MAGEC3: variants seen among roughly 807,000 people sequenced by gnomAD.
The protein encoded by MAGEC3 is MAGE family member C3.
MAGEC3 carries 34 observed loss-of-function variants against 35.3 expected under a neutral mutation model. The observed-to-expected ratio is 0.96, with a 90% CI of 0.73 to 1.28. The LOEUF is 1.28. Ranked by LOEUF, MAGEC3 falls within the 50% of genes most tolerant of loss-of-function variation. The pLI, the probability that MAGEC3 is intolerant of heterozygous loss-of-function variation, is 0.00. For synonymous variants in MAGEC3, 202 were observed against 185.6 expected (o/e 1.09, Z -0.72); for missense variants, 561 against 483.6 (o/e 1.16, Z -1.50).
chrX:141,854,431 A>G (rs1030110820), intron 1 of MAGEC3, among the ~76,000 whole-genome samples: 4 of 111,127 alleles, frequency 3.6e-5, no homozygotes, highest in African/African-American at 1.3e-4. Context: ...CTCATCTTGA[A>G]TTGTATTCTC....
Position 141,897,693 on chromosome X carries a change from G to T in MAGEC3, c.1793G>T (p.Ser598Ile). The change falls in exon 8 of 8, where the codon AGT becomes ATT. Residue 598 changes from serine (S) to isoleucine (I), a missense_variant. Coordinates refer to ENST00000298296, the MANE Select transcript of MAGEC3 (RefSeq NM_138702.1). ...TCCAAGCTATCCAGTATCATCCCTA[G>T]TGCCTTTCCATCCTGGTACATGGAT... Reference protein sequence around the residue: ...FLSKLSSIIPSAFPSWYMDAL... With the variant: ...FLSKLSSIIPIAFPSWYMDAL... 1 of 1,211,738 alleles carries T rather than the reference G, an allele frequency of 8.3e-7. No homozygotes were observed. Among genetic ancestry groups the T allele is most frequent in the Non-Finnish European group, 1.1e-6 (1 of 895,480 alleles).
rs751281262 is a variant in MAGEC3, at chrX:141,881,397, G to A, written c.516-6G>A. The A allele has an allele frequency of 8.4e-7, 1 of 1,188,460 alleles. No homozygotes were observed. Among genetic ancestry groups the A allele is most frequent in the South Asian group, 1.9e-5 (1 of 52,416 alleles). On this transcript the variant is annotated splice_polypyrimidine_tract_variant and splice_region_variant and intron_variant, in intron 3 of 7. Transcript: ENST00000298296. ...AATAAGATGAAGATACAAGTACCTG[G>A]CACAGCTTGCCAGAGAGCGAGCCCT...
At chrX:141,858,716 G>A (rs890878895) in intron 1 of MAGEC3, among the ~76,000 whole-genome samples, 11 of 109,851 alleles carry the variant, frequency 1.0e-4, no homozygotes, top group African/African-American at 3.6e-4. Flanking sequence ...GTTAAAAACC[G>A]AATACATATT....
At chrX:141,878,761 A>G (rs1314918594) in intron 2 of MAGEC3, among the ~76,000 whole-genome samples, 1 of 111,883 alleles carries the variant, frequency 8.9e-6, no homozygotes, top group Non-Finnish European at 1.9e-5. Context: ...CAGGGCCCTC[A>G]GTCAGAGATG....
At position 141,897,139 on chromosome X, in the gene MAGEC3, G is replaced by C. The variant is rs767819467; in HGVS notation, c.1381G>C (p.Ala461Pro). The C allele has an allele frequency of 9.1e-6, 11 of 1,210,361 alleles. No homozygotes were observed. The highest frequency in any genetic ancestry group is 2.3e-4 in the Middle Eastern group (1 of 4,348). ...CAGGTATGCCCTGGATGAAAAGGTG[G>C]CTGAGTTGGTGCAGTTTCTTCTCCT... is the stretch of plus-strand genomic sequence containing the variant. ...LPRYALDEKV[A>P]ELVQFLLLKY... The change falls in exon 7 of 8, where the codon GCT (alanine) becomes CCT (proline). Residue 461 changes from alanine (A) to proline (P), a missense_variant. Ala to Pro is a conservative substitution (Grantham distance 27). Coordinates refer to ENST00000298296, the MANE Select transcript of MAGEC3 (RefSeq NM_138702.1).
intron 1 of MAGEC3, among the ~76,000 whole-genome samples, chrX:141,844,822 CAT>C (rs2017706877): frequency 9.0e-6 from 1 of 111,068 alleles, no homozygotes; most frequent in East Asian, 2.8e-4. Flanking sequence ...CATTACCAAA[CAT>C]ATGATTCAGC....
chrX:141,895,156 A>C (rs775963211), intron 4 of MAGEC3, 113 bp from the exon 5 acceptor site: 1 of 850,732 alleles, frequency 1.2e-6, no homozygotes, highest in Admixed American at 2.8e-5. Context: ...TGAGGAGGGC[A>C]GGAAGAAGTG....
In MAGEC3 at chrX:141,881,703, G is replaced by T; in HGVS notation, c.816G>T (p.Gln272His). Residue 272 changes from glutamine to histidine, a missense_variant, in exon 4 of 8, where the codon CAG becomes CAT. Transcript: ENST00000298296. ...TGAGTGATGAGCAGGGCATGCCCCAGAACCGCCTCCTGATTCTTATTCTGA... is the reference window on the plus strand; with the variant it reads ...TGAGTGATGAGCAGGGCATGCCCCATAACCGCCTCCTGATTCTTATTCTGA... ...GSLSDEQGMPQNRLLILILSV... is the reference protein window; with the variant it reads ...GSLSDEQGMPHNRLLILILSV... 1 of 1,211,501 alleles carries T rather than the reference G, an allele frequency of 8.3e-7. No homozygotes were observed. The highest frequency in any genetic ancestry group is 1.1e-6 in the Non-Finnish European group (1 of 895,435).
At chrX:141,878,036 A>G (rs1249775802) in intron 2 of MAGEC3, among the ~76,000 whole-genome samples, 3 of 112,204 alleles carry the variant, frequency 2.7e-5, no homozygotes, top group Non-Finnish European at 5.6e-5. Context: ...AGGATACTCC[A>G]TTACATTTAG....
At chrX:141,871,516 A>C (rs1207411409) in intron 2 of MAGEC3, among the ~76,000 whole-genome samples, 4 of 112,077 alleles carry the variant, frequency 3.6e-5, no homozygotes, top group Non-Finnish European at 7.5e-5. Flanking sequence ...GTTTTCCAGG[A>C]AAACAAGATT....
In MAGEC3 at chrX:141,880,614, G is replaced by A. The variant is rs1012955158; in HGVS notation, c.516-789G>A. On this transcript the variant is annotated intron_variant, in intron 3 of 7. Coordinates refer to ENST00000298296, the MANE Select transcript of MAGEC3 (RefSeq NM_138702.1). ...ATATCAGGAGTCAAGGTGAGTGCAC[G>A]CCCTGACTGTGTACCAAGGGCCCTA... The A allele has an allele frequency of 5.7e-5, 21 of 370,226 alleles. No individual in the cohort carries two copies. In the Admixed American group the frequency reaches 8.8e-4, roughly 16 times the overall value. 30.5% of individuals were successfully genotyped at this position (370,226 alleles called of 1,213,427 possible).
At position 141,895,466 on chromosome X, in the gene MAGEC3, C is replaced by T. The variant is rs202108223; in HGVS notation, c.1049-19C>T. On this transcript the variant is annotated intron_variant, in intron 5 of 7. Transcript: ENST00000298296. Reference sequence around the variant, plus strand: ...CACCAAGGACAGAAGAAGCCCCGGTCTGCCCTGCGCTGCCATAGGACTTGC... The same window carrying T: ...CACCAAGGACAGAAGAAGCCCCGGTTTGCCCTGCGCTGCCATAGGACTTGC... 5 of 1,208,350 alleles carry T rather than the reference C, an allele frequency of 4.1e-6. No homozygotes were observed. In the African/African-American group the frequency reaches 5.3e-5, roughly 13 times the overall value.
chrX:141,883,073 G>A (rs966324055), intron 4 of MAGEC3, among the ~76,000 whole-genome samples: 2 of 112,032 alleles, frequency 1.8e-5, no homozygotes, highest in African/African-American at 3.3e-5. Context: ...GAGTCTCCAT[G>A]TGGGGAAGTA....
chrX:141,895,246 C>A, intron 4 of MAGEC3, 23 bp from the exon 5 acceptor site: 1 of 1,200,426 alleles, frequency 8.3e-7, no homozygotes, highest in Non-Finnish European at 1.1e-6. Flanking sequence ...GGAGGCCCCA[C>A]CCCACGCTGC....
intron 1 of MAGEC3, among the ~76,000 whole-genome samples, chrX:141,864,316 CA>C (rs3972654): frequency 0.021 from 685 of 32,233 alleles, 3 homozygotes; most frequent in Middle Eastern, 0.043. Flanking sequence ...CTCATCTCTA[CA>C]AAAAAAAAAA....
At chrX:141,883,843 C>T (rs541704110) in intron 4 of MAGEC3, among the ~76,000 whole-genome samples, 14 of 112,867 alleles carry the variant, frequency 1.2e-4, no homozygotes, top group Non-Finnish European at 1.5e-4. Context: ...ACAAGTGTTC[C>T]TTGACAGACA....
intron 1 of MAGEC3, among the ~76,000 whole-genome samples, chrX:141,855,966 A>G (rs1056970918): frequency 3.6e-5 from 4 of 111,568 alleles, no homozygotes; most frequent in African/African-American, 1.3e-4. Flanking sequence ...AACTTCTAAG[A>G]AACCATCTGG....
chrX:141,863,246 C>A (rs968149696), intron 1 of MAGEC3, among the ~76,000 whole-genome samples: 1 of 110,792 alleles, frequency 9.0e-6, no homozygotes, highest in Non-Finnish European at 1.9e-5. Context: ...CATACCAAAT[C>A]TATGATATTC....
At chrX:141,883,144 A>G (rs779219422) in intron 4 of MAGEC3, among the ~76,000 whole-genome samples, 1 of 112,159 alleles carries the variant, frequency 8.9e-6, no homozygotes. Context: ...GGACTAGGTG[A>G]TTGATACCCA....
Sources: gnomAD v4.1 joint callset for allele counts (sites outside exome capture counted in the v4.1 genomes callset) on GRCh38, gnomAD v4.1.1 for gene constraint, MANE v1.5 for transcripts, NCBI Gene and HGNC (gene_info 2026-07-23, HGNC 2026-07-21) for gene names.